Variants in NEDD4L observed in about 807,000 individuals in gnomAD.
NEDD4L encodes the protein NEDD4 like E3 ubiquitin protein ligase.
NEDD4L carries 54 observed loss-of-function variants against 148.9 expected under a neutral mutation model. The observed-to-expected ratio is 0.36, with a 90% CI of 0.29 to 0.45. The LOEUF (loss-of-function observed/expected upper bound fraction) is 0.45. NEDD4L is among the 20% of genes least tolerant of loss of function. The pLI is 1.00. For missense variants in NEDD4L, 856 were observed against 1,233.8 expected (o/e 0.69, Z 4.59); for synonymous variants, 433 against 440.7 (o/e 0.98, Z 0.22).
intron 5 of NEDD4L, chr18:58,255,413 C>T: frequency 1.1e-6 from 1 of 932,760 alleles, no homozygotes; most frequent in Non-Finnish European, 1.4e-6. Flanking sequence ...GGCCACCCTA[C>T]CCTCTGTCAC....
intron 1 of NEDD4L, among the ~76,000 whole-genome samples, chr18:58,138,332 T>C (rs2033089142): frequency 7.3e-6 from 1 of 136,928 alleles, no homozygotes; most frequent in Non-Finnish European, 1.6e-5. Context: ...CCTTCTTCCC[T>C]CCCCTCCTCC....
chr18:58,173,593 C>T (rs1243111471), intron 2 of NEDD4L, among the ~76,000 whole-genome samples: 1 of 152,156 alleles, frequency 6.6e-6, no homozygotes, highest in Non-Finnish European at 1.5e-5. Flanking sequence ...ACCTCAGTCC[C>T]CTTTACCTAG....
chr18:58,195,389 CA>C (rs1370791752), intron 2 of NEDD4L: 1 of 1,241,220 alleles, frequency 8.1e-7, no homozygotes, highest in Non-Finnish European at 1.0e-6. Flanking sequence ...TCTGATGAGG[CA>C]CTTCCGTGTT....
intron 2 of NEDD4L, among the ~76,000 whole-genome samples, chr18:58,189,560 G>A (rs1194524335): frequency 6.6e-6 from 1 of 152,210 alleles, no homozygotes; most frequent in African/African-American, 2.4e-5. Context: ...TAAGGAGTTA[G>A]CAGCCCTCAA....
At chr18:58,340,990 G>A (rs1318549631) in intron 13 of NEDD4L, 48 bp from the exon 14 acceptor site, 3 of 1,568,756 alleles carry the variant, frequency 1.9e-6, no homozygotes, top group Non-Finnish European at 2.6e-6. Context: ...AAACTGATCA[G>A]AAAACAAATG....
intron 16 of NEDD4L, among the ~76,000 whole-genome samples, chr18:58,346,821 C>A (rs11662999): frequency 0.31 from 47,667 of 151,856 alleles, 7,763 homozygotes; most frequent in Middle Eastern, 0.4. Flanking sequence ...TGCATCAGAG[C>A]CCTCGTTAGT....
chr18:58,271,508 T>TA (rs1437751443), intron 5 of NEDD4L, among the ~76,000 whole-genome samples: 4 of 152,246 alleles, frequency 2.6e-5, no homozygotes, highest in Admixed American at 1.3e-4. Flanking sequence ...TTCTGGTTTT[T>TA]ATTAAACCCA....
At chr18:58,130,034 CTG>C (rs1314810576) in intron 1 of NEDD4L, among the ~76,000 whole-genome samples, 1 of 133,242 alleles carries the variant, frequency 7.5e-6, no homozygotes, top group Non-Finnish European at 1.5e-5. Flanking sequence ...TCTAGTTGAA[CTG>C]TGGCTATGTT....
intron 2 of NEDD4L, among the ~76,000 whole-genome samples, chr18:58,197,222 C>T (rs1299056468): frequency 3.9e-5 from 6 of 152,126 alleles, no homozygotes; most frequent in African/African-American, 1.4e-4. Context: ...GGAGATGTTT[C>T]TGTTGAGAGA....
chr18:58,308,331 G>A (rs1340088469), intron 5 of NEDD4L, among the ~76,000 whole-genome samples: 1 of 152,214 alleles, frequency 6.6e-6, no homozygotes, highest in African/African-American at 2.4e-5. Context: ...AGTAATACCT[G>A]GGGGGTTTCT....
chr18:58,208,459 T>C lies in NEDD4L; in HGVS notation c.123-36968T>C, dbSNP rs147253432. 1.3e-4 allele frequency among the ~76,000 whole-genome samples: 20 copies of C among 152,350 alleles called. 1 individual carries two copies. The highest frequency in any genetic ancestry group is 4.8e-4 in the African/African-American group (20 of 41,590). The stretch of plus-strand genomic sequence containing the variant: ...AACTCTTTCCAGATCATAAAAATAA[T>C]TCTGAATTAGTAGAGCATAAATGAA... On this transcript the variant is annotated intron_variant, in intron 2 of 30. Transcript: ENST00000400345.
At chr18:58,199,505 G>T (rs1038322725) in intron 2 of NEDD4L, among the ~76,000 whole-genome samples, 4 of 152,200 alleles carry the variant, frequency 2.6e-5, no homozygotes, top group Admixed American at 2.6e-4. Flanking sequence ...GGAAGACCAG[G>T]CACGGTGGCT....
intron 1 of NEDD4L, among the ~76,000 whole-genome samples, chr18:58,158,604 A>C (rs2035801771): frequency 6.6e-6 from 1 of 152,184 alleles, no homozygotes; most frequent in South Asian, 2.1e-4. Context: ...ACAGAATCCC[A>C]CAGTCTTTTC....
At chr18:58,243,229 T>A (rs2046854730) in intron 2 of NEDD4L, among the ~76,000 whole-genome samples, 1 of 152,176 alleles carries the variant, frequency 6.6e-6, no homozygotes, top group South Asian at 2.1e-4. Context: ...TTTATGGTAT[T>A]CTTTATAACT....
intron 16 of NEDD4L, among the ~76,000 whole-genome samples, chr18:58,347,370 A>G: frequency 6.6e-6 from 1 of 151,708 alleles, no homozygotes; most frequent in East Asian, 1.9e-4. Flanking sequence ...CTTTCTCTAA[A>G]TCTGGCATGG....
chr18:58,174,399 A>G (rs1487835579), intron 2 of NEDD4L, among the ~76,000 whole-genome samples: 1 of 152,202 alleles, frequency 6.6e-6, no homozygotes, highest in East Asian at 1.9e-4. Context: ...CCAGCAGTCC[A>G]GTCTTTCAGC....
At position 58,390,710 on chromosome 18, in the gene NEDD4L, G is replaced by A. The variant is rs1436959214; in HGVS notation, c.2720G>A (p.Arg907Gln). 1 of 1,599,004 alleles carries A rather than the reference G, an allele frequency of 6.3e-7. No homozygotes were observed. Among genetic ancestry groups the A allele is most frequent in the Non-Finnish European group, 8.5e-7 (1 of 1,172,018 alleles). Residue 907 changes from arginine to glutamine, a missense_variant, in exon 29 of 31, where the codon CGA becomes CAA. By Grantham distance (43) the Arg-to-Gln change is conservative. Coordinates refer to ENST00000400345, the MANE Select transcript of NEDD4L (RefSeq NM_001144967.3). ...RLLQFVTGTS[R>Q]VPMNGFAELY... ...CTGCAGTTTGTCACAGGGACATCGC[G>A]AGTACCTATGAATGGATTTGCCGAA...
chr18:58,184,123 C>T (rs573724432), intron 2 of NEDD4L, among the ~76,000 whole-genome samples: 6 of 152,240 alleles, frequency 3.9e-5, no homozygotes, highest in African/African-American at 1.4e-4. Context: ...GACCCGAGAT[C>T]GCGCCCCATT....
chr18:58,056,894 C>CTTTTTTTTTTTTTT lies in NEDD4L; in HGVS notation c.48+12189_48+12202dup, dbSNP rs74183230. Among the ~76,000 whole-genome samples the CTTTTTTTTTTTTTT allele has an allele frequency of 8.6e-3, 1,041 of 120,798 alleles. 1 individual carries two copies. The highest frequency in any genetic ancestry group is 0.019 in the East Asian group (65 of 3,466). The allele number at this position is 120,798 out of a possible 152,430, so 79.2% of individuals were successfully genotyped here. ...CCATGCCCAGCCAGAGCTATGCCCT[C>CTTTTTTTTTTTTTT]TTTTTTTTTTTTTTTTGTTTGTTTG... On this transcript the variant is annotated intron_variant, in intron 1 of 30. Coordinates refer to ENST00000400345, the MANE Select transcript of NEDD4L (RefSeq NM_001144967.3).
Sources: gnomAD v4.1 joint callset for allele counts (sites outside exome capture counted in the v4.1 genomes callset) on GRCh38, gnomAD v4.1.1 for gene constraint, MANE v1.5 for transcripts, NCBI Gene and HGNC (gene_info 2026-07-23, HGNC 2026-07-21) for gene names.